Variants in NEK4 observed in about 807,000 individuals in gnomAD.
The protein encoded by NEK4 is NIMA related kinase 4, also known as serine/threonine-protein kinase Nek4.
NEK4 carries 86 observed loss-of-function variants against 98.4 expected under a neutral mutation model. The ratio of observed to expected loss-of-function variants is 0.87; its 90% CI spans 0.73 to 1.05. The LOEUF (loss-of-function observed/expected upper bound fraction) is 1.05. NEK4 is among the 50% of genes least tolerant of loss of function. The pLI, the probability that NEK4 is intolerant of heterozygous loss-of-function variation, is 0.00. For synonymous variants in NEK4, 328 were observed against 342.2 expected, an observed-to-expected ratio of 0.96 and a Z score of 0.46; for missense variants, 898 against 950.3, an observed-to-expected ratio of 0.94 and a Z score of 0.72.
chr3:52,713,529 T>G (rs1358195781), intron 15 of NEK4, among the ~76,000 whole-genome samples: 2 of 152,204 alleles, frequency 1.3e-5, no homozygotes, highest in Non-Finnish European at 2.9e-5. Context: ...GCATAGTAGC[T>G]CACGCCTGTA....
Position 52,728,656 on chromosome 3 carries a change from C to T in NEK4, c.2433+8930G>A, listed in dbSNP as rs143815561. 3.2e-3 allele frequency among the ~76,000 whole-genome samples: 483 copies of T among 152,228 alleles called. 5 individuals carry two copies. Among genetic ancestry groups the T allele is most frequent in the African/African-American group, 0.011 (460 of 41,534 alleles). On this transcript the variant is annotated intron_variant, in intron 15 of 15. Transcript: ENST00000233027. ...ATTTTCAGGGAACAAGGGAAGACAA[C>T]CATAAGGTCTGACTGCCTGAGGGGT...
At chr3:52,753,850 A>G (rs2097409903) in intron 6 of NEK4, 2 of 395,372 alleles carry the variant, frequency 5.1e-6, no homozygotes, top group Admixed American at 6.5e-5. Flanking sequence ...TTGGACTAAT[A>G]TTCATAGGGC....
rs2154103633 is a variant in NEK4, at chr3:52,739,531, C to G, written c.2197G>C (p.Val733Leu). The change falls in exon 14 of 16, where the codon GTG (valine) becomes CTG (leucine). Residue 733 changes from valine to leucine, a missense_variant. Coordinates refer to ENST00000233027, the MANE Select transcript of NEK4 (RefSeq NM_003157.6). ...TTCCGATGAAGTTTGAATTCTGACACTGGGTTTGCTACCGGGACATCTTCA... is the reference window on the plus strand; with the variant it reads ...TTCCGATGAAGTTTGAATTCTGACAGTGGGTTTGCTACCGGGACATCTTCA... ...SCEDVPVANPVSEFKLHRKYR... is the reference protein window; with the variant it reads ...SCEDVPVANPLSEFKLHRKYR... The G allele has an allele frequency of 6.2e-7, 1 of 1,614,166 alleles. No homozygotes were observed. The highest frequency in any genetic ancestry group is 2.2e-5 in the East Asian group (1 of 44,882).
intron 15 of NEK4, among the ~76,000 whole-genome samples, chr3:52,717,374 T>C (rs2097356046): frequency 7.1e-6 from 1 of 141,192 alleles, no homozygotes; most frequent in Non-Finnish European, 1.5e-5. Context: ...ACCTCTGCAC[T>C]ACAGCCTGGG....
intron 7 of NEK4, among the ~76,000 whole-genome samples, chr3:52,750,323 G>A (rs1188116804): frequency 5.9e-5 from 9 of 152,136 alleles, no homozygotes; most frequent in South Asian, 2.1e-4. Context: ...CAAGGCAGGC[G>A]ATTCACTTGA....
Position 52,752,955 on chromosome 3 carries a change from A to ACACACACACACACACACACACAC in NEK4, c.964-620_964-619insGTGTGTGTGTGTGTGTGTGTGTG, listed in dbSNP as rs1559441493. Among the ~76,000 whole-genome samples, 306 of 125,240 alleles carry ACACACACACACACACACACACAC rather than the reference A, an allele frequency of 2.4e-3. 2 individuals are homozygous for ACACACACACACACACACACACAC. The highest frequency in any genetic ancestry group is 0.01 in the African/African-American group (291 of 28,704). 82.2% of individuals were successfully genotyped at this position (125,240 alleles called of 152,430 possible). On this transcript the variant is annotated intron_variant, in intron 6 of 15. Coordinates refer to ENST00000233027, the MANE Select transcript of NEK4 (RefSeq NM_003157.6). ...ATATACACACACACACACACACACAATGGAATATTTCTAATCTATAAAAAG... is the reference window on the plus strand; with the variant it reads ...ATATACACACACACACACACACACAACACACACACACACACACACACACTGGAATATTTCTAATCTATAAAAAG...
At chr3:52,754,900 C>T (rs963936183) in intron 6 of NEK4, among the ~76,000 whole-genome samples, 10 of 151,736 alleles carry the variant, frequency 6.6e-5, no homozygotes, top group Admixed American at 2.0e-4. Flanking sequence ...GGTGAAACCC[C>T]GTCTCTACTA....
chr3:52,764,272 C>T (rs368131725), intron 4 of NEK4, among the ~76,000 whole-genome samples: 127 of 142,834 alleles, frequency 8.9e-4, no homozygotes, highest in African/African-American at 3.2e-3. Context: ...GGCAACAGAG[C>T]GAGACTCTGT....
At chr3:52,763,716 A>C (rs946236508) in intron 4 of NEK4, 92 bp from the exon 5 acceptor site, 1 of 871,148 alleles carries the variant, frequency 1.1e-6, no homozygotes, top group Non-Finnish European at 1.8e-6. Flanking sequence ...ATTTATAGTC[A>C]TATGTCCACA....
intron 15 of NEK4, among the ~76,000 whole-genome samples, chr3:52,717,716 G>C (rs2097356440): frequency 6.6e-6 from 1 of 152,048 alleles, no homozygotes. Context: ...AACAGAATAT[G>C]GAGTTAAAGC....
At chr3:52,745,264 C>T (rs953179921) in intron 10 of NEK4, among the ~76,000 whole-genome samples, 2 of 151,806 alleles carry the variant, frequency 1.3e-5, no homozygotes, top group Non-Finnish European at 2.9e-5. Context: ...TCTGAAACCA[C>T]AGAATCTGTC....
intron 6 of NEK4, among the ~76,000 whole-genome samples, chr3:52,757,741 G>A (rs557200750): frequency 2.0e-5 from 3 of 152,170 alleles, no homozygotes; most frequent in Admixed American, 2.0e-4. Flanking sequence ...CATTAAAAAG[G>A]AAGGTAATTC....
At chr3:52,736,211 T>C (rs1259453177) in intron 15 of NEK4, among the ~76,000 whole-genome samples, 1 of 152,218 alleles carries the variant, frequency 6.6e-6, no homozygotes, top group Non-Finnish European at 1.5e-5. Flanking sequence ...TATGTATTTT[T>C]GGCGGGGGGG....
intron 13 of NEK4, 129 bp downstream of exon 13, chr3:52,741,269 TTTTAGCTCCAGCA>T (rs2097385606): frequency 4.0e-6 from 2 of 500,556 alleles, no homozygotes; most frequent in Non-Finnish European, 7.0e-6. Context: ...GAAGAGACAC[TTTTAGCTCCAGCA>T]TATGCCACAA....
At chr3:52,718,673 C>T (rs900728881) in intron 15 of NEK4, among the ~76,000 whole-genome samples, 4 of 152,146 alleles carry the variant, frequency 2.6e-5, no homozygotes, top group African/African-American at 9.7e-5. Context: ...CCACCTTGAT[C>T]ACCTGGTAGA....
At chr3:52,714,523 C>T in intron 15 of NEK4, among the ~76,000 whole-genome samples, 1 of 152,178 alleles carries the variant, frequency 6.6e-6, no homozygotes. Context: ...AGGCCCGGAC[C>T]CTCCACCACT....
intron 10 of NEK4, among the ~76,000 whole-genome samples, chr3:52,745,337 T>C (rs945822954): frequency 2.6e-5 from 4 of 151,764 alleles, no homozygotes; most frequent in South Asian, 2.1e-4. Context: ...TCCTAGCACT[T>C]TGGGAGGCCA....
At chr3:52,730,276 G>C (rs2057514435) in intron 15 of NEK4, among the ~76,000 whole-genome samples, 1 of 152,136 alleles carries the variant, frequency 6.6e-6, no homozygotes, top group Non-Finnish European at 1.5e-5. Flanking sequence ...CTAGTGTAAG[G>C]AGAATGAATC....
chr3:52,737,244 TA>T lies in NEK4; in HGVS notation c.2433+341del, dbSNP rs550231428. Reference sequence around the variant, plus strand: ...CAGGCGTGAGCCACCATGCCCAAGCTAAAGTTTAAATTTTCCTTAAAAAAAA... The same window carrying T: ...CAGGCGTGAGCCACCATGCCCAAGCTAAGTTTAAATTTTCCTTAAAAAAAA... On this transcript the variant is annotated intron_variant, in intron 15 of 15. Transcript: ENST00000233027. Among the ~76,000 whole-genome samples, 13 of 151,468 alleles carry T rather than the reference TA, an allele frequency of 8.6e-5. No homozygotes were observed. In the South Asian group the frequency reaches 2.7e-3, roughly 31 times the overall value.
Sources: allele counts gnomAD v4.1 joint callset (sites outside exome capture counted in the v4.1 genomes callset), GRCh38; gene constraint gnomAD v4.1.1; transcripts MANE v1.5; gene names NCBI Gene and HGNC (gene_info 2026-07-23, HGNC 2026-07-21).